The following EPB41L2 variants were observed in gnomAD, a reference collection of about 807,000 sequenced individuals.
EPB41L2 encodes erythrocyte membrane protein band 4.1 like 2.
In EPB41L2, 43 loss-of-function variants were observed where a neutral mutation model predicts 113.0. That is an observed-to-expected ratio of 0.38 (90% CI 0.30 to 0.49). The LOEUF (loss-of-function observed/expected upper bound fraction) is 0.49. EPB41L2 is among the 20% of genes least tolerant of loss of function. The probability of loss-of-function intolerance (pLI) is 0.95; values close to 1 mark genes in which losing one functional copy is unlikely to be tolerated. For missense variants in EPB41L2, 1,147 were observed against 1,223.4 expected (o/e 0.94, Z 0.93); for synonymous variants, 442 against 436.7 (o/e 1.01, Z -0.15).
At chr6:130,911,468 T>G (rs890620195) in intron 4 of EPB41L2, among the ~76,000 whole-genome samples, 2 of 152,032 alleles carry the variant, frequency 1.3e-5, no homozygotes, top group African/African-American at 4.8e-5. Context: ...CGTGTATACC[T>G]ATGTAACAAA....
intron 4 of EPB41L2, among the ~76,000 whole-genome samples, chr6:130,921,996 C>T (rs1394425315): frequency 6.6e-6 from 1 of 152,186 alleles, no homozygotes; most frequent in African/African-American, 2.4e-5. Context: ...AGTAATGGCA[C>T]TATTTTTTAA....
At chr6:130,934,517 G>C (rs539421871) in intron 3 of EPB41L2, among the ~76,000 whole-genome samples, 126 of 152,224 alleles carry the variant, frequency 8.3e-4, no homozygotes, top group African/African-American at 2.6e-3. Flanking sequence ...CTGTTGCTGA[G>C]CCTGGAGTGA....
In EPB41L2 at chr6:130,867,462, T is replaced by C. The variant is rs746430771; in HGVS notation, c.2727A>G (p.Pro909=). ...TCCAAGTCTAGAGCTTTTGTACCTG[T>C]GGAGACTCATATGTGATGGTTTTGG... ...TETKTITYES[P]QIDGGAGGDS... Residue 909 remains proline, a synonymous_variant, in exon 16 of 20, where the codon CCA becomes CCG. Transcript: ENST00000337057. 34 of 1,613,818 alleles carry C rather than the reference T, an allele frequency of 2.1e-5. No homozygotes were observed. Among genetic ancestry groups the C allele is most frequent in the Non-Finnish European group, 2.6e-5 (31 of 1,179,870 alleles).
At chr6:130,964,140 G>C (rs891711150) in intron 1 of EPB41L2, among the ~76,000 whole-genome samples, 2 of 151,828 alleles carry the variant, frequency 1.3e-5, no homozygotes, top group Admixed American at 6.6e-5. Flanking sequence ...TCCTGCCTCA[G>C]CCTCCCAAGT....
chr6:130,963,647 C>T (rs1774203364), intron 1 of EPB41L2, among the ~76,000 whole-genome samples: 1 of 152,032 alleles, frequency 6.6e-6, no homozygotes. Flanking sequence ...AGGATGGAGA[C>T]AAGAAAAAGA....
chr6:130,938,615 T>C (rs1034677263), intron 3 of EPB41L2, among the ~76,000 whole-genome samples: 3 of 152,168 alleles, frequency 2.0e-5, no homozygotes, highest in Non-Finnish European at 4.4e-5. Context: ...GTACTACTGG[T>C]AGTGTGCCCA....
intron 1 of EPB41L2, among the ~76,000 whole-genome samples, chr6:130,964,845 T>C (rs1774614876): frequency 6.6e-6 from 1 of 152,182 alleles, no homozygotes; most frequent in African/African-American, 2.4e-5. Context: ...AGAGGATAGA[T>C]GGGTTGGTCA....
At chr6:130,986,058 A>T (rs985166325) in intron 1 of EPB41L2, among the ~76,000 whole-genome samples, 1 of 152,222 alleles carries the variant, frequency 6.6e-6, no homozygotes, top group African/African-American at 2.4e-5. Context: ...CATACGGGCA[A>T]AAATCCTTGG....
chr6:130,904,566 T>G, intron 5 of EPB41L2, 26 bp from the exon 6 acceptor site: 1 of 1,446,222 alleles, frequency 6.9e-7, no homozygotes, highest in Non-Finnish European at 9.6e-7. Flanking sequence ...ATCACAGTTA[T>G]GCACCCAATT....
At chr6:130,945,014 G>A (rs1304356680) in intron 3 of EPB41L2, among the ~76,000 whole-genome samples, 1 of 152,126 alleles carries the variant, frequency 6.6e-6, no homozygotes, top group East Asian at 1.9e-4. Context: ...AAGCTAAAAG[G>A]ATAAAGACAT....
At chr6:130,948,608 A>G (rs1282808071) in intron 3 of EPB41L2, among the ~76,000 whole-genome samples, 1 of 152,204 alleles carries the variant, frequency 6.6e-6, no homozygotes, top group African/African-American at 2.4e-5. Flanking sequence ...TAAATGGTCT[A>G]AATTTACCAG....
At chr6:130,870,472 A>G in intron 14 of EPB41L2, 1 of 1,340,130 alleles carries the variant, frequency 7.5e-7, no homozygotes, top group South Asian at 1.3e-5. Flanking sequence ...CAAAGACAAA[A>G]CAGCAAGAAT....
Position 130,867,516 on chromosome 6 carries a change from G to A in EPB41L2, c.2673C>T (p.Thr891=), listed in dbSNP as rs140207854. 2.1e-4 allele frequency: 346 copies of A among 1,613,840 alleles called. No individual in the cohort carries two copies. The highest frequency in any genetic ancestry group is 2.3e-4 in the Non-Finnish European group (271 of 1,179,898). Residue 891 remains threonine, a synonymous_variant, in exon 16 of 20, where the codon ACC becomes ACT. Coordinates refer to ENST00000337057, the MANE Select transcript of EPB41L2 (RefSeq NM_001431.4). The part of the protein sequence containing the change: ...SDASQRTEIS[T]KEVPIVQTET... ...CAGTTTGGACAATGGGGACTTCCTT[G>A]GTGGAGATTTCTGTCCTTTGTGAGG...
At chr6:131,028,506 T>C (rs563132219) in intron 1 of EPB41L2, among the ~76,000 whole-genome samples, 1 of 152,320 alleles carries the variant, frequency 6.6e-6, no homozygotes, top group African/African-American at 2.4e-5. Flanking sequence ...GTTAATTACA[T>C]ATATGATAAA....
At chr6:130,991,613 T>TC (rs1177218929) in intron 1 of EPB41L2, among the ~76,000 whole-genome samples, 1 of 152,224 alleles carries the variant, frequency 6.6e-6, no homozygotes, top group East Asian at 1.9e-4. Flanking sequence ...CGTATCTACT[T>TC]CTTTTTTTAT....
At chr6:131,061,730 C>G (rs4897490) in intron 1 of EPB41L2, among the ~76,000 whole-genome samples, 121,726 of 152,180 alleles carry the variant, frequency 0.8, 49,069 homozygotes, top group African/African-American at 0.88. Flanking sequence ...AAGGTGAAAT[C>G]TGACAGAACA....
intron 4 of EPB41L2, among the ~76,000 whole-genome samples, chr6:130,913,881 C>T (rs529307506): frequency 5.9e-5 from 9 of 152,164 alleles, no homozygotes; most frequent in African/African-American, 1.9e-4. Context: ...GAAGCAGACA[C>T]AAAAAGATGG....
At chr6:130,930,114 A>G (rs1377514353) in intron 3 of EPB41L2, among the ~76,000 whole-genome samples, 2 of 152,090 alleles carry the variant, frequency 1.3e-5, no homozygotes, top group African/African-American at 4.8e-5. Flanking sequence ...CTGAGCACCA[A>G]AACACCTATT....
At chr6:130,985,846 T>C (rs763210024) in intron 1 of EPB41L2, among the ~76,000 whole-genome samples, 19 of 152,156 alleles carry the variant, frequency 1.2e-4, no homozygotes, top group Non-Finnish European at 2.9e-5. Context: ...AGCTTGGAGA[T>C]ATACAAGTCA....
Sources: allele counts gnomAD v4.1 joint callset (sites outside exome capture counted in the v4.1 genomes callset), GRCh38; gene constraint gnomAD v4.1.1; transcripts MANE v1.5; gene names NCBI Gene and HGNC (gene_info 2026-07-23, HGNC 2026-07-21).